Variants in SNX29 observed in about 807,000 individuals in gnomAD.
The protein encoded by SNX29 is sorting nexin-29.
Under a neutral mutation model 102.1 loss-of-function variants are expected in SNX29, and 78 were observed. The observed-to-expected ratio is 0.76, with a 90% CI of 0.64 to 0.92. The LOEUF is 0.92. Among genes scored for constraint, SNX29 ranks in the 40% least tolerant of loss-of-function variants. The pLI, the probability that SNX29 is intolerant of heterozygous loss-of-function variation, is 0.00. For missense variants in SNX29, 1,280 were observed against 1,061.7 expected (o/e 1.21, Z -2.86); for synonymous variants, 580 against 414.5 (o/e 1.40, Z -4.85).
In SNX29 at chr16:12,481,541, CACACACA is replaced by C. The variant is rs1567608636; in HGVS notation, c.2178+3683_2178+3689del. 5.1e-4 allele frequency among the ~76,000 whole-genome samples: 77 copies of C among 151,134 alleles called. 2 individuals carry two copies. Among genetic ancestry groups the C allele is most frequent in the East Asian group, 3.5e-3 (18 of 5,112 alleles). Reference sequence around the variant, plus strand: ...ACACACACACACACACACACACACACACACACACACACACCCCAAATGTCACCCTGTC... The same window carrying C: ...ACACACACACACACACACACACACACCACACACCCCAAATGTCACCCTGTC... On this transcript the variant is annotated intron_variant, in intron 19 of 20. Coordinates refer to ENST00000566228, the MANE Select transcript of SNX29 (RefSeq NM_032167.5).
intron 13 of SNX29, among the ~76,000 whole-genome samples, chr16:12,186,448 C>T (rs764245206): frequency 6.6e-6 from 1 of 152,136 alleles, no homozygotes; most frequent in Non-Finnish European, 1.5e-5. Flanking sequence ...CCCCTAAATA[C>T]TCAAGCAGAT....
At chr16:12,051,771 G>A (rs2050312920) in intron 7 of SNX29, 76 bp from the exon 8 acceptor site, 1 of 1,559,762 alleles carries the variant, frequency 6.4e-7, no homozygotes, top group African/African-American at 1.4e-5. Flanking sequence ...CCATAACCTG[G>A]AGGTGAGTTG....
At position 12,229,746 on chromosome 16, in the gene SNX29, C is replaced by A. The variant is rs142603800; in HGVS notation, c.1678+30063C>A. Among the ~76,000 whole-genome samples, 435 of 152,178 alleles carry A rather than the reference C, an allele frequency of 2.9e-3. 1 individual carries two copies. The highest frequency in any genetic ancestry group is 4.0e-3 in the Non-Finnish European group (274 of 68,008). On this transcript the variant is annotated intron_variant, in intron 14 of 20. Transcript: ENST00000566228. ...CTGTTCTTGGGGTAGTGCCTTCAGC[C>A]AAGTCAAAAGGGATGAACTGAGCTG...
chr16:12,536,792 A>G (rs995053877), intron 20 of SNX29, among the ~76,000 whole-genome samples: 2 of 152,296 alleles, frequency 1.3e-5, no homozygotes, highest in Middle Eastern at 3.4e-3. Context: ...CCTGGCCAAC[A>G]TGGTAAAACC....
At chr16:12,048,151 G>GTT (rs565050765) in intron 6 of SNX29, among the ~76,000 whole-genome samples, 7 of 139,452 alleles carry the variant, frequency 5.0e-5, no homozygotes, top group Non-Finnish European at 7.9e-5. Context: ...TTCATGGGAG[G>GTT]TTTTTTTTTT....
intron 2 of SNX29, among the ~76,000 whole-genome samples, chr16:12,002,549 G>T (rs1045034021): frequency 2.6e-5 from 4 of 151,904 alleles, no homozygotes; most frequent in Non-Finnish European, 5.9e-5. Flanking sequence ...GATTTGTGCT[G>T]TTGTAACGTC....
chr16:12,219,016 T>C (rs138862549), intron 14 of SNX29, among the ~76,000 whole-genome samples: 1,526 of 152,194 alleles, frequency 0.01, 80 homozygotes, highest in Admixed American at 0.089. Context: ...CCTTGTGATC[T>C]GCCCGCCTTG....
intron 18 of SNX29, among the ~76,000 whole-genome samples, chr16:12,414,951 A>C (rs7192549): frequency 6.6e-6 from 1 of 151,938 alleles, no homozygotes. Context: ...TCGAACTCCT[A>C]ACCTCAAATG....
chr16:12,048,533 A>G lies in SNX29; in HGVS notation c.661A>G (p.Ile221Val), dbSNP rs1198642567. 3 of 1,613,768 alleles carry G rather than the reference A, an allele frequency of 1.9e-6. No homozygotes were observed. Among genetic ancestry groups the G allele is most frequent in the South Asian group, 1.1e-5 (1 of 91,074 alleles). The stretch of plus-strand genomic sequence containing the variant: ...AGGAGTGAGCAGCCTGTTCAGGGAG[A>G]TCACAGCCTCCTCTGCCGTCTCCAT... The part of the protein sequence containing the change: ...TQGVSSLFRE[I>V]TASSAVSILI... The change falls in exon 7 of 21, where the codon ATC becomes GTC. Residue 221 changes from isoleucine to valine, a missense_variant. Ile to Val is a conservative substitution (Grantham distance 29, BLOSUM62 3). Coordinates refer to ENST00000566228, the MANE Select transcript of SNX29 (RefSeq NM_032167.5).
chr16:12,397,853 T>G (rs935470539), intron 16 of SNX29, among the ~76,000 whole-genome samples: 1 of 152,152 alleles, frequency 6.6e-6, no homozygotes, highest in Non-Finnish European at 1.5e-5. Flanking sequence ...ACCTCCACAG[T>G]GTGGGGTCAG....
At chr16:12,480,204 C>A (rs2087842946) in intron 19 of SNX29, among the ~76,000 whole-genome samples, 1 of 152,164 alleles carries the variant, frequency 6.6e-6, no homozygotes, top group Admixed American at 6.5e-5. Flanking sequence ...CATTATCTTA[C>A]AATTCGAGAG....
At chr16:12,366,656 T>G (rs2082494629) in intron 16 of SNX29, among the ~76,000 whole-genome samples, 1 of 152,226 alleles carries the variant, frequency 6.6e-6, no homozygotes, top group South Asian at 2.1e-4. Context: ...TTTGGGCCTC[T>G]GCCACCTGGG....
chr16:12,150,790 T>C (rs2055266674), intron 13 of SNX29, among the ~76,000 whole-genome samples: 2 of 152,206 alleles, frequency 1.3e-5, no homozygotes, highest in Non-Finnish European at 2.9e-5. Context: ...TTTGTGCAGA[T>C]TGGGGCTAAT....
chr16:12,562,111 A>C (rs5018323), intron 20 of SNX29, among the ~76,000 whole-genome samples: 39,949 of 151,708 alleles, frequency 0.26, 5,859 homozygotes, highest in East Asian at 0.44. Context: ...AAGGCCGTTC[A>C]CTCTCCTGTG....
At chr16:12,031,736 C>T (rs1411064877) in intron 4 of SNX29, among the ~76,000 whole-genome samples, 9 of 151,892 alleles carry the variant, frequency 5.9e-5, no homozygotes, top group Admixed American at 4.6e-4. Flanking sequence ...ACCCGGGAGG[C>T]GGAGCTTGCA....
At chr16:12,517,907 G>A (rs979217124) in intron 19 of SNX29, among the ~76,000 whole-genome samples, 2 of 152,142 alleles carry the variant, frequency 1.3e-5, no homozygotes, top group African/African-American at 4.8e-5. Flanking sequence ...GGACATCCCA[G>A]ATGAAGACAG....
At chr16:12,426,589 A>G (rs1376312585) in intron 18 of SNX29, among the ~76,000 whole-genome samples, 1 of 152,256 alleles carries the variant, frequency 6.6e-6, no homozygotes, top group East Asian at 1.9e-4. Context: ...AGCCAATAAA[A>G]ATGGTGATGT....
intron 10 of SNX29, among the ~76,000 whole-genome samples, chr16:12,074,749 C>G (rs1195808395): frequency 6.6e-6 from 1 of 152,186 alleles, no homozygotes; most frequent in Non-Finnish European, 1.5e-5. Flanking sequence ...GGATAATATC[C>G]TGTAGAGTGT....
In SNX29 at chr16:12,418,093, G is replaced by A. The variant is rs150036838; in HGVS notation, c.2037+14564G>A. 6.1e-3 allele frequency among the ~76,000 whole-genome samples: 934 copies of A among 152,324 alleles called. 5 individuals carry two copies. The highest frequency in any genetic ancestry group is 0.011 in the Admixed American group (165 of 15,294). ...GAGGATTCCCACGTGTCGGGAAAGTGCTTCCCTGACATGACTACCGAGTCA... is the reference window on the plus strand; with the variant it reads ...GAGGATTCCCACGTGTCGGGAAAGTACTTCCCTGACATGACTACCGAGTCA... On this transcript the variant is annotated intron_variant, in intron 18 of 20. Transcript: ENST00000566228.
Sources: gnomAD v4.1 joint callset for allele counts (sites outside exome capture counted in the v4.1 genomes callset) on GRCh38, gnomAD v4.1.1 for gene constraint, MANE v1.5 for transcripts, NCBI Gene and HGNC (gene_info 2026-07-23, HGNC 2026-07-21) for gene names.